The following SLC24A2 variants were observed in gnomAD, a reference collection of about 807,000 sequenced individuals.
SLC24A2 encodes the protein solute carrier family 24 member 2, also known as sodium/potassium/calcium exchanger 2.
SLC24A2 carries 36 observed loss-of-function variants against 62.0 expected under a neutral mutation model. That is an observed-to-expected ratio of 0.58 (90% CI 0.44 to 0.77). The LOEUF (loss-of-function observed/expected upper bound fraction) is 0.77, where lower values mean the gene tolerates loss of function less well. Ranked by LOEUF, SLC24A2 falls within the 30% of genes least tolerant of loss-of-function variation. SLC24A2 has a pLI of 0.00. For synonymous variants in SLC24A2, 358 were observed against 294.0 expected (o/e 1.22, Z -2.23); for missense variants, 846 against 817.9 (o/e 1.03, Z -0.42).
chr9:20,094,563 A>C, the SLC24A2 span, among the ~76,000 whole-genome samples: 1 of 152,222 alleles, frequency 6.6e-6, no homozygotes, highest in Non-Finnish European at 1.5e-5. Flanking sequence ...TGATTTTAAA[A>C]ATTTGTGAAA....
At chr9:19,908,513 C>T in the SLC24A2 span, among the ~76,000 whole-genome samples, 2 of 152,090 alleles carry the variant, frequency 1.3e-5, no homozygotes, top group East Asian at 1.9e-4. Flanking sequence ...AGAGCTTCTG[C>T]ACAGCAAAAG....
chr9:20,086,529 G>A, the SLC24A2 span, among the ~76,000 whole-genome samples: 1 of 152,156 alleles, frequency 6.6e-6, no homozygotes, highest in African/African-American at 2.4e-5. Context: ...GCCTCTGACA[G>A]TTCCCTTGTC....
the SLC24A2 span, among the ~76,000 whole-genome samples, chr9:20,060,695 A>C: frequency 2.0e-5 from 3 of 152,270 alleles, no homozygotes; most frequent in South Asian, 6.2e-4. Context: ...AACATACTTA[A>C]TTGTGAAAGA....
chr9:19,585,911 G>A (rs906322105), intron 5 of SLC24A2, among the ~76,000 whole-genome samples: 3 of 152,166 alleles, frequency 2.0e-5, no homozygotes, highest in African/African-American at 4.8e-5. Flanking sequence ...CAGCCCAAAT[G>A]TGAATTTGTT....
the SLC24A2 span, among the ~76,000 whole-genome samples, chr9:20,093,041 TCTTA>T: frequency 2.0e-5 from 3 of 152,078 alleles, no homozygotes; most frequent in Non-Finnish European, 2.9e-5. Context: ...ATATTTTGAT[TCTTA>T]CTTTATATTT....
rs565300801 is a variant in SLC24A2 at position 19,607,455 on chromosome 9, A to G, written c.1079-10176T>C. ...TTTTGGGCAGGGTGCAGTGGCTCAC[A>G]GCTGTAATCCCAGCACATTGGGAGG... On this transcript the variant is annotated intron_variant, in intron 4 of 10. Transcript: ENST00000341998. 5.9e-5 allele frequency among the ~76,000 whole-genome samples: 9 copies of G among 152,248 alleles called. No individual in the cohort carries two copies. The East Asian group carries it at 9.7e-4, about 16-fold the overall frequency.
intron 4 of SLC24A2, among the ~76,000 whole-genome samples, chr9:19,601,825 G>A (rs1836849327): frequency 6.6e-6 from 1 of 152,152 alleles, no homozygotes; most frequent in African/African-American, 2.4e-5. Context: ...TCACACTTAT[G>A]CAAATGAGAA....
chr9:20,077,696 AT>A, the SLC24A2 span, among the ~76,000 whole-genome samples: 1 of 152,218 alleles, frequency 6.6e-6, no homozygotes, highest in Non-Finnish European at 1.5e-5. Context: ...CACCTTAAGA[AT>A]TTAGAAGAAG....
At chr9:19,908,556 G>C in the SLC24A2 span, among the ~76,000 whole-genome samples, 1 of 152,088 alleles carries the variant, frequency 6.6e-6, no homozygotes, top group African/African-American at 2.4e-5. Context: ...ACAACCTACA[G>C]AATGAGAGAA....
the SLC24A2 span, among the ~76,000 whole-genome samples, chr9:19,981,780 G>A: frequency 6.6e-6 from 1 of 152,132 alleles, no homozygotes; most frequent in Admixed American, 6.6e-5. Context: ...TCTTTACAAG[G>A]CAGTATGGCA....
chr9:19,815,490 T>A, the SLC24A2 span, among the ~76,000 whole-genome samples: 3 of 152,296 alleles, frequency 2.0e-5, no homozygotes, highest in East Asian at 5.8e-4. Context: ...TGTTTTTGCA[T>A]CATTTTGAGT....
chr9:20,042,831 G>A, the SLC24A2 span, among the ~76,000 whole-genome samples: 7 of 152,108 alleles, frequency 4.6e-5, no homozygotes, highest in Admixed American at 3.9e-4. Context: ...TTTATCTGTT[G>A]TGGTGGTCTG....
chr9:19,924,050 C>T, the SLC24A2 span, among the ~76,000 whole-genome samples: 1 of 152,168 alleles, frequency 6.6e-6, no homozygotes, highest in Non-Finnish European at 1.5e-5. Flanking sequence ...AAGTGGGTAG[C>T]AAGGGTGATG....
intron 4 of SLC24A2, among the ~76,000 whole-genome samples, chr9:19,608,654 A>T (rs1261411243): frequency 6.6e-6 from 1 of 152,168 alleles, no homozygotes; most frequent in Non-Finnish European, 1.5e-5. Context: ...AGAGAATTAC[A>T]TGAGATGACT....
At chr9:19,918,183 T>C in the SLC24A2 span, among the ~76,000 whole-genome samples, 1 of 151,518 alleles carries the variant, frequency 6.6e-6, no homozygotes, top group Admixed American at 6.6e-5. Flanking sequence ...TACATACACA[T>C]ATATGTATTT....
chr9:19,723,043 A>G (rs1182647), intron 2 of SLC24A2, among the ~76,000 whole-genome samples: 88,704 of 151,968 alleles, frequency 0.58, 26,226 homozygotes, highest in East Asian at 0.88. Context: ...CAAAGCAAAC[A>G]GCACATAAAA....
At chr9:20,256,718 G>A in the SLC24A2 span, among the ~76,000 whole-genome samples, 1 of 152,000 alleles carries the variant, frequency 6.6e-6, no homozygotes, top group African/African-American at 2.4e-5. Flanking sequence ...ATTCAGTGAG[G>A]GCTTTCTGAT....
chr9:19,793,272 C>T (rs1823342049), upstream of SLC24A2, among the ~76,000 whole-genome samples: 1 of 152,196 alleles, frequency 6.6e-6, no homozygotes, highest in Non-Finnish European at 1.5e-5. Flanking sequence ...GCTGTGTCAT[C>T]CTAACTCCTA....
intron 7 of SLC24A2, among the ~76,000 whole-genome samples, chr9:19,554,217 C>T (rs7870303): frequency 0.055 from 8,401 of 152,204 alleles, 751 homozygotes; most frequent in African/African-American, 0.19. Flanking sequence ...AGGAGAGAGG[C>T]CTCTGAGGAA....
Sources: gnomAD v4.1 joint callset for allele counts (sites outside exome capture counted in the v4.1 genomes callset) on GRCh38, gnomAD v4.1.1 for gene constraint, MANE v1.5 for transcripts, NCBI Gene and HGNC (gene_info 2026-07-23, HGNC 2026-07-21) for gene names.